The following SMIM3 variants were observed in gnomAD, a reference collection of about 807,000 sequenced individuals.
SMIM3 encodes the protein small integral membrane protein 3.
A neutral mutation model predicts 2.1 loss-of-function variants in SMIM3; 4 were observed. The ratio of observed to expected loss-of-function variants is 1.89; its 90% CI spans 0.93 to 4.31. The LOEUF (loss-of-function observed/expected upper bound fraction) is 4.31. Among genes scored for constraint, SMIM3 ranks in the 30% most tolerant of loss-of-function variants. The pLI is 0.01. For synonymous variants in SMIM3, 29 were observed against 30.8 expected (o/e 0.94, Z 0.19); for missense variants, 79 against 77.7 (o/e 1.02, Z -0.06).
chr5:150,785,083 C>CTTTT (rs35401611), intron 1 of SMIM3, among the ~76,000 whole-genome samples: 47 of 92,190 alleles, frequency 5.1e-4, no homozygotes, highest in South Asian at 7.4e-4. Context: ...CTGAAAATGT[C>CTTTT]TTTTTTTTTT....
At chr5:150,791,182 C>T (rs1029622211) in intron 1 of SMIM3, among the ~76,000 whole-genome samples, 2 of 152,150 alleles carry the variant, frequency 1.3e-5, no homozygotes, top group African/African-American at 4.8e-5. Context: ...TATATATCCT[C>T]GCCTATTTCC....
intron 1 of SMIM3, among the ~76,000 whole-genome samples, chr5:150,794,480 C>T (rs914612993): frequency 5.9e-5 from 9 of 152,154 alleles, no homozygotes; most frequent in Admixed American, 2.6e-4. Flanking sequence ...TGGAATACTA[C>T]GTAGCCATAA....
intron 1 of SMIM3, among the ~76,000 whole-genome samples, chr5:150,795,225 T>A (rs1341346582): frequency 6.6e-6 from 1 of 152,382 alleles, no homozygotes; most frequent in South Asian, 2.1e-4. Flanking sequence ...AAGGACTGAA[T>A]GTGTTAATAG....
At position 150,778,924 on chromosome 5, in the gene SMIM3, C is replaced by A. The variant is rs997965424; in HGVS notation, c.-60C>A. The A allele has an allele frequency of 1.9e-6, 1 of 515,002 alleles. No individual in the cohort carries two copies. The highest frequency in any genetic ancestry group is 4.0e-6 in the Non-Finnish European group (1 of 251,560). The allele number at this position is 515,002 out of a possible 1,614,324, so 31.9% of individuals were successfully genotyped here. A position where few individuals can be genotyped will look rare whatever the true frequency, so the allele number is the denominator to read the frequency against. ...CAGTCCTGGGGACCCTGAGAAGCAC[C>A]GAGCCATCCCTGACCCAGGAACTTT... On this transcript the variant is annotated 5_prime_UTR_variant, in exon 1 of 2. Coordinates refer to ENST00000526627, the MANE Select transcript of SMIM3 (RefSeq NM_032947.5).
At position 150,794,417 on chromosome 5, in the gene SMIM3, C is replaced by A. The variant is rs559044755; in HGVS notation, c.-11-1013C>A. On this transcript the variant is annotated intron_variant, in intron 1 of 1. Transcript: ENST00000526627. ...CAATTGCAAAATCATGGAACAAACC[C>A]AAATGCCCATCAATCAACAAGTGGA... Among the ~76,000 whole-genome samples, 299 of 152,276 alleles carry A rather than the reference C, an allele frequency of 2.0e-3. 3 individuals carry two copies. Among genetic ancestry groups the A allele is most frequent in the African/African-American group, 7.0e-3 (289 of 41,546 alleles).
At position 150,778,868 on chromosome 5, in the gene SMIM3, T is replaced by TG; in HGVS notation, c.-111dup. 6.1e-6 allele frequency: 3 copies of TG among 490,432 alleles called. No homozygotes were observed. Among genetic ancestry groups the TG allele is most frequent in the South Asian group, 4.6e-5 (3 of 65,832 alleles). 30.4% of individuals were successfully genotyped at this position (490,432 alleles called of 1,614,324 possible). A position where few individuals can be genotyped will look rare whatever the true frequency, so the allele number is the denominator to read the frequency against. Reference sequence around the variant, plus strand: ...CTGCCTAGGGCTGAGGTTCCAGGCCTGGGGGTCGCTTCCAGCTGCCAGATC... The same window carrying TG: ...CTGCCTAGGGCTGAGGTTCCAGGCCTGGGGGGTCGCTTCCAGCTGCCAGATC... On this transcript the variant is annotated 5_prime_UTR_variant, in exon 1 of 2. Coordinates refer to ENST00000526627, the MANE Select transcript of SMIM3 (RefSeq NM_032947.5).
At chr5:150,785,938 A>T (rs1753288273) in intron 1 of SMIM3, among the ~76,000 whole-genome samples, 1 of 152,158 alleles carries the variant, frequency 6.6e-6, no homozygotes, top group South Asian at 2.1e-4. Context: ...CTAGGAGTTC[A>T]TGGGACATCT....
At chr5:150,793,636 T>C (rs1302208407) in intron 1 of SMIM3, among the ~76,000 whole-genome samples, 1 of 152,170 alleles carries the variant, frequency 6.6e-6, no homozygotes, top group Non-Finnish European at 1.5e-5. Flanking sequence ...AGAACGAAAC[T>C]GGATCCTCAT....
chr5:150,796,327 G>A lies in SMIM3; in HGVS notation c.*704G>A, dbSNP rs1273408515. 2 of 152,642 alleles carry A rather than the reference G, an allele frequency of 1.3e-5. No individual in the cohort carries two copies. Among genetic ancestry groups the A allele is most frequent in the Middle Eastern group, 3.2e-3 (1 of 316 alleles). The allele number at this position is 152,642 out of a possible 1,614,324, so 9.5% of individuals were successfully genotyped here. ...ACTCAAGCAATGTTGGAAAATGCAG[G>A]GTGACTGAGTTCCCTGCCCAGCTTT... is the stretch of plus-strand genomic sequence containing the variant. On this transcript the variant is annotated 3_prime_UTR_variant, in exon 2 of 2. Coordinates refer to ENST00000526627, the MANE Select transcript of SMIM3 (RefSeq NM_032947.5).
chr5:150,789,079 G>A (rs967464583), intron 1 of SMIM3, among the ~76,000 whole-genome samples: 1 of 152,134 alleles, frequency 6.6e-6, no homozygotes, highest in Non-Finnish European at 1.5e-5. Flanking sequence ...ATTCTTATCA[G>A]TGATAGGCAT....
At chr5:150,786,784 T>G (rs2113202511) in intron 1 of SMIM3, among the ~76,000 whole-genome samples, 1 of 152,334 alleles carries the variant, frequency 6.6e-6, no homozygotes, top group East Asian at 1.9e-4. Context: ...CTGATTATTT[T>G]GTTTTTATCA....
intron 1 of SMIM3, 118 bp downstream of exon 1, chr5:150,779,090 C>G: frequency 2.3e-6 from 1 of 431,400 alleles, no homozygotes; most frequent in Non-Finnish European, 4.7e-6. Flanking sequence ...TTCTTTATGT[C>G]CGGTCTCTCC....
intron 1 of SMIM3, among the ~76,000 whole-genome samples, chr5:150,794,627 A>G (rs1272869058): frequency 6.6e-6 from 1 of 152,172 alleles, no homozygotes; most frequent in African/African-American, 2.4e-5. Flanking sequence ...TGAGGACGCA[A>G]AGGCATAAGA....
intron 1 of SMIM3, among the ~76,000 whole-genome samples, chr5:150,792,288 C>G (rs1753356789): frequency 6.6e-6 from 1 of 152,208 alleles, no homozygotes; most frequent in African/African-American, 2.4e-5. Context: ...TAGTTCCAGC[C>G]TTGTGCCCTC....
chr5:150,789,826 T>C (rs748190271), intron 1 of SMIM3, among the ~76,000 whole-genome samples: 1 of 152,188 alleles, frequency 6.6e-6, no homozygotes, highest in Non-Finnish European at 1.5e-5. Flanking sequence ...TCATCTCTAG[T>C]GCTTAGGGTC....
chr5:150,795,976 A>G lies in SMIM3; in HGVS notation c.*353A>G, dbSNP rs987615190. On this transcript the variant is annotated 3_prime_UTR_variant, in exon 2 of 2. Coordinates refer to ENST00000526627, the MANE Select transcript of SMIM3 (RefSeq NM_032947.5). ...CAAGAACCAGAGAACCTGATTGCTG[A>G]TGATGGCCTTAAAGGTGGTGAGGGA... The G allele has an allele frequency of 5.4e-5, 14 of 261,220 alleles. No individual in the cohort carries two copies. Among genetic ancestry groups the G allele is most frequent in the Non-Finnish European group, 9.8e-5 (13 of 133,156 alleles). The allele number at this position is 261,220 out of a possible 1,614,324, so 16.2% of individuals were successfully genotyped here. A position where few individuals can be genotyped will look rare whatever the true frequency, so the allele number is the denominator to read the frequency against.
intron 1 of SMIM3, among the ~76,000 whole-genome samples, chr5:150,785,580 CTTTTTTTTT>C (rs35273478): frequency 6.2e-5 from 7 of 113,682 alleles, no homozygotes; most frequent in Non-Finnish European, 1.1e-4. Context: ...TATTTCTTTT[CTTTTTTTTT>C]TTTTTTTTTT....
At position 150,795,640 on chromosome 5, in the gene SMIM3, C is replaced by A; in HGVS notation, c.*17C>A. On this transcript the variant is annotated 3_prime_UTR_variant, in exon 2 of 2. Transcript: ENST00000526627. ...GCTGTTTGAGAGCCTCCCAAGAGGG[C>A]CGGGTGAGGGATGAGGACAGGCATC... The A allele has an allele frequency of 6.5e-7, 1 of 1,538,276 alleles. No individual in the cohort carries two copies. The highest frequency in any genetic ancestry group is 8.7e-7 in the Non-Finnish European group (1 of 1,147,188).
chr5:150,780,197 T>C (rs913858763), intron 1 of SMIM3, among the ~76,000 whole-genome samples: 16 of 152,238 alleles, frequency 1.1e-4, no homozygotes, highest in Admixed American at 8.5e-4. Context: ...TGAATTACCC[T>C]AATGGAGGCA....
Sources: gnomAD v4.1 joint callset for allele counts (sites outside exome capture counted in the v4.1 genomes callset) on GRCh38, gnomAD v4.1.1 for gene constraint, MANE v1.5 for transcripts, NCBI Gene and HGNC (gene_info 2026-07-23, HGNC 2026-07-21) for gene names.